Variants in VEGFC observed in about 807,000 individuals in gnomAD.
VEGFC encodes the protein vascular endothelial growth factor C.
In VEGFC, 12 loss-of-function variants were observed where a neutral mutation model predicts 46.1. The ratio of observed to expected loss-of-function variants is 0.26; its 90% CI spans 0.17 to 0.42. The LOEUF is 0.42. Among genes scored for constraint, VEGFC ranks in the 10% least tolerant of loss-of-function variants. The pLI is 1.00. For synonymous variants in VEGFC, 232 were observed against 195.5 expected (o/e 1.19, Z -1.56); for missense variants, 488 against 529.4 (o/e 0.92, Z 0.77).
At chr4:176,743,354 C>T (rs1560952883) in intron 1 of VEGFC, among the ~76,000 whole-genome samples, 1 of 151,720 alleles carries the variant, frequency 6.6e-6, no homozygotes, top group Non-Finnish European at 1.5e-5. Context: ...TTGATATGCC[C>T]TGTTAATTAA....
intron 4 of VEGFC, chr4:176,689,316 C>T (rs1259693807): frequency 6.6e-6 from 1 of 152,148 alleles, no homozygotes; most frequent in African/African-American, 2.4e-5. Context: ...GACAATACAT[C>T]TTTCTTTTAA....
At chr4:176,701,700 A>G (rs1734435976) in intron 4 of VEGFC, among the ~76,000 whole-genome samples, 1 of 152,212 alleles carries the variant, frequency 6.6e-6, no homozygotes. Context: ...TGAGCTTTAT[A>G]GGAAAGGGGA....
chr4:176,759,956 A>G (rs1016793640), intron 1 of VEGFC, among the ~76,000 whole-genome samples: 25 of 152,068 alleles, frequency 1.6e-4, no homozygotes, highest in African/African-American at 6.0e-4. Flanking sequence ...TTCCAAATTT[A>G]GAGAAAATAT....
At chr4:176,689,131 T>C (rs567960911) in intron 4 of VEGFC, among the ~76,000 whole-genome samples, 1 of 152,322 alleles carries the variant, frequency 6.6e-6, no homozygotes, top group Admixed American at 6.5e-5. Context: ...AAGTATTTAT[T>C]TATATCTTTC....
chr4:176,754,964 G>A (rs953595807), intron 1 of VEGFC, among the ~76,000 whole-genome samples: 1 of 151,792 alleles, frequency 6.6e-6, no homozygotes, highest in African/African-American at 2.4e-5. Context: ...ATTGTCACAG[G>A]GTCTGCACCA....
chr4:176,763,839 C>G (rs1735571895), intron 1 of VEGFC, among the ~76,000 whole-genome samples: 1 of 151,980 alleles, frequency 6.6e-6, no homozygotes, highest in African/African-American at 2.4e-5. Flanking sequence ...TCCTAAGAGT[C>G]CTCTAAAAAA....
chr4:176,725,216 T>C (rs921475354), intron 3 of VEGFC, among the ~76,000 whole-genome samples: 1 of 152,176 alleles, frequency 6.6e-6, no homozygotes, highest in African/African-American at 2.4e-5. Flanking sequence ...TCAATAAATA[T>C]AACCTTCAAA....
chr4:176,728,137 T>A (rs996057730), intron 2 of VEGFC, among the ~76,000 whole-genome samples, 169 bp from the exon 3 acceptor site: 1 of 152,180 alleles, frequency 6.6e-6, no homozygotes, highest in African/African-American at 2.4e-5. Flanking sequence ...ATGAGAATGA[T>A]ATAACATTGA....
chr4:176,685,389 T>C (rs1351952774), intron 6 of VEGFC, among the ~76,000 whole-genome samples: 1 of 152,218 alleles, frequency 6.6e-6, no homozygotes, highest in Non-Finnish European at 1.5e-5. Flanking sequence ...GAGGAGAATA[T>C]ATATTTTCAA....
In VEGFC at chr4:176,747,163, T is replaced by C. The variant is rs977742336; in HGVS notation, c.148-17417A>G. Among the ~76,000 whole-genome samples the C allele has an allele frequency of 3.9e-5, 6 of 152,132 alleles. No homozygotes were observed. In the East Asian group the frequency reaches 1.2e-3, roughly 29 times the overall value. ...CATAAAATCTAACAGTGTAGTTATA[T>C]AAGCTATGAAAACAGAAGCATAGGG... On this transcript the variant is annotated intron_variant, in intron 1 of 6. Transcript: ENST00000618562.
chr4:176,783,937 T>C (rs1167989639), intron 1 of VEGFC, among the ~76,000 whole-genome samples: 1 of 152,186 alleles, frequency 6.6e-6, no homozygotes, highest in Non-Finnish European at 1.5e-5. Flanking sequence ...GTCTAGGACA[T>C]AGTACTTACA....
In VEGFC at chr4:176,792,436, CT is replaced by C. The variant is rs1278333572; in HGVS notation, c.-126del. 345 of 720,698 alleles carry C rather than the reference CT, an allele frequency of 4.8e-4. 2 individuals are homozygous for C. In the African/African-American group the frequency reaches 5.9e-3, roughly 12 times the overall value. The allele number at this position is 720,698 out of a possible 1,614,324, so 44.6% of individuals were successfully genotyped here. A position where few individuals can be genotyped will look rare whatever the true frequency, so the allele number is the denominator to read the frequency against. On this transcript the variant is annotated 5_prime_UTR_variant, in exon 1 of 7. Transcript: ENST00000618562. This position sits in a 1 kb window ranked among gnomAD's most constrained non-coding sequence, Gnocchi z 6.3. ...CCCGGGCTCCTCCCGGCGACCCCCC[CT>C]GGGCGAGCCGGAGGCGGCGGGAGCG...
At chr4:176,734,863 A>AT (rs1735027712) in intron 1 of VEGFC, among the ~76,000 whole-genome samples, 1 of 151,860 alleles carries the variant, frequency 6.6e-6, no homozygotes, top group South Asian at 2.1e-4. Context: ...TTATAATAAT[A>AT]TTTTTTAAAA....
At chr4:176,762,545 C>G (rs1185635431) in intron 1 of VEGFC, among the ~76,000 whole-genome samples, 1 of 152,028 alleles carries the variant, frequency 6.6e-6, no homozygotes, top group Non-Finnish European at 1.5e-5. Context: ...CATCATGTAC[C>G]CAGTTTTAGG....
At chr4:176,689,808 G>C (rs1734116571) in intron 4 of VEGFC, among the ~76,000 whole-genome samples, 1 of 152,086 alleles carries the variant, frequency 6.6e-6, no homozygotes, top group Non-Finnish European at 1.5e-5. Context: ...TAGATACAAA[G>C]CAACTGTATG....
intron 1 of VEGFC, among the ~76,000 whole-genome samples, chr4:176,753,461 ATTTG>A (rs1372117637): frequency 6.6e-6 from 1 of 152,014 alleles, no homozygotes; most frequent in Non-Finnish European, 1.5e-5. Context: ...CATAGGGATG[ATTTG>A]TTTATTTCTG....
intron 2 of VEGFC, 29 bp from the exon 3 acceptor site, chr4:176,727,997 T>C (rs1443842230): frequency 6.5e-7 from 1 of 1,533,840 alleles, no homozygotes; most frequent in African/African-American, 1.4e-5. Context: ...ATCAGTAAGT[T>C]TTACGGAAAC....
intron 3 of VEGFC, among the ~76,000 whole-genome samples, chr4:176,719,520 C>T (rs528421904): frequency 7.2e-5 from 11 of 152,234 alleles, no homozygotes; most frequent in African/African-American, 2.2e-4. Flanking sequence ...TTTTATGCCT[C>T]GACCTCCCTT....
chr4:176,719,798 T>C (rs554822862), intron 3 of VEGFC, among the ~76,000 whole-genome samples: 2 of 152,242 alleles, frequency 1.3e-5, no homozygotes, highest in South Asian at 4.1e-4. Context: ...CGGTGGCTCA[T>C]GCCTGTAATC....
Sources: gnomAD v4.1 joint callset for allele counts (sites outside exome capture counted in the v4.1 genomes callset) on GRCh38, gnomAD v4.1.1 for gene constraint, Gnocchi (gnomAD v3.1) non-coding constraint, MANE v1.5 for transcripts, NCBI Gene and HGNC (gene_info 2026-07-23, HGNC 2026-07-21) for gene names.